The following IQGAP2 variants were observed in gnomAD, a reference collection of about 807,000 sequenced individuals.
The protein encoded by IQGAP2 is IQ motif containing GTPase activating protein 2.
A neutral mutation model predicts 201.3 loss-of-function variants in IQGAP2; 173 were observed. The observed-to-expected ratio is 0.86, with a 90% CI of 0.76 to 0.98. The LOEUF is 0.98. Among genes scored for constraint, IQGAP2 ranks in the 50% least tolerant of loss-of-function variants. The probability of loss-of-function intolerance (pLI) is 0.00; values close to 1 mark genes in which losing one functional copy is unlikely to be tolerated. For synonymous variants in IQGAP2, 675 were observed against 673.9 expected (o/e 1.00, Z -0.03); for missense variants, 1,687 against 1,864.8 (o/e 0.90, Z 1.76).
intron 5 of IQGAP2, among the ~76,000 whole-genome samples, chr5:76,584,936 A>G (rs931240922): frequency 6.6e-6 from 1 of 152,364 alleles, no homozygotes; most frequent in African/African-American, 2.4e-5. Context: ...TTGATGATTC[A>G]TTCAATTTAT....
At chr5:76,691,926 A>G (rs1272145988) in intron 30 of IQGAP2, among the ~76,000 whole-genome samples, 4 of 152,204 alleles carry the variant, frequency 2.6e-5, no homozygotes, top group Non-Finnish European at 5.9e-5. Context: ...TTTTGTTCTC[A>G]TTTCTAAATT....
In IQGAP2 at chr5:76,606,430, G is replaced by A; in HGVS notation, c.1357+127G>A. The A allele has an allele frequency of 1.8e-5, 11 of 605,366 alleles. No individual in the cohort carries two copies. In the South Asian group the frequency reaches 3.7e-4, roughly 20 times the overall value. 37.5% of individuals were successfully genotyped at this position (605,366 alleles called of 1,614,324 possible). A position where few individuals can be genotyped will look rare whatever the true frequency, so the allele number is the denominator to read the frequency against. On this transcript the variant is annotated intron_variant, in intron 12 of 35. Coordinates refer to ENST00000274364, the MANE Select transcript of IQGAP2 (RefSeq NM_006633.5). ...TTGTGAGAGCAAACTCCGCTAATAT[G>A]CATACCTTTATTTATAGGTAGATTT...
chr5:76,536,376 G>A (rs1425542506), intron 2 of IQGAP2, among the ~76,000 whole-genome samples: 4 of 151,866 alleles, frequency 2.6e-5, no homozygotes, highest in Non-Finnish European at 5.9e-5. Context: ...TGGCTTCCAG[G>A]AGCATATTCT....
At chr5:76,511,358 A>G (rs1310731896) in intron 2 of IQGAP2, among the ~76,000 whole-genome samples, 1 of 152,162 alleles carries the variant, frequency 6.6e-6, no homozygotes, top group African/African-American at 2.4e-5. Flanking sequence ...GATCAAGGAC[A>G]AAAGGAGTGG....
intron 1 of IQGAP2, among the ~76,000 whole-genome samples, chr5:76,438,735 G>C (rs938262835): frequency 1.3e-5 from 2 of 152,098 alleles, no homozygotes; most frequent in Non-Finnish European, 2.9e-5. Context: ...GAGCCACCGT[G>C]CCTGGCCTTC....
intron 2 of IQGAP2, among the ~76,000 whole-genome samples, chr5:76,502,941 C>G (rs950417467): frequency 6.6e-6 from 1 of 150,664 alleles, no homozygotes; most frequent in African/African-American, 2.4e-5. Context: ...AGAGGGTTCT[C>G]TTTATGTTGC....
At chr5:76,481,922 GA>G (rs1205609299) in intron 2 of IQGAP2, among the ~76,000 whole-genome samples, 1 of 152,208 alleles carries the variant, frequency 6.6e-6, no homozygotes, top group Non-Finnish European at 1.5e-5. Flanking sequence ...GAAGAAGCAA[GA>G]AAGGTTACAG....
At chr5:76,553,794 A>G (rs546076376) in intron 2 of IQGAP2, among the ~76,000 whole-genome samples, 1 of 152,316 alleles carries the variant, frequency 6.6e-6, no homozygotes, top group East Asian at 1.9e-4. Flanking sequence ...CAAGACATTC[A>G]CATATTGGGG....
chr5:76,658,714 C>A, intron 21 of IQGAP2, 47 bp downstream of exon 21: 3 of 1,453,564 alleles, frequency 2.1e-6, no homozygotes, highest in Non-Finnish European at 2.9e-6. Flanking sequence ...AGGGAAGACG[C>A]CTACATACAG....
chr5:76,589,353 C>T (rs1746480891), intron 6 of IQGAP2, among the ~76,000 whole-genome samples: 1 of 151,044 alleles, frequency 6.6e-6, no homozygotes, highest in Non-Finnish European at 1.5e-5. Context: ...CTTTTTTCCC[C>T]ATTTTGATAT....
intron 22 of IQGAP2, among the ~76,000 whole-genome samples, chr5:76,666,620 C>G (rs2150470165): frequency 6.6e-6 from 1 of 152,362 alleles, no homozygotes; most frequent in Admixed American, 6.5e-5. Flanking sequence ...CAAGTGAACT[C>G]TCTCTTGAAA....
chr5:76,468,139 A>C (rs1278311642), intron 2 of IQGAP2, among the ~76,000 whole-genome samples: 4 of 152,356 alleles, frequency 2.6e-5, no homozygotes, highest in African/African-American at 9.6e-5. Flanking sequence ...CTATTTATTA[A>C]AGATAATTTC....
chr5:76,496,698 CTGTCTCTTTCTTTCTTTCTTTCTTTCT>C (rs1448308329), intron 2 of IQGAP2, among the ~76,000 whole-genome samples: 11 of 79,620 alleles, frequency 1.4e-4, no homozygotes, highest in South Asian at 4.7e-4. Context: ...TTCTTTCTTT[CTGTCTCTTTCTTTCTTTCTTTCTTTCT>C]TTTCTTTCTT....
chr5:76,418,594 GAAA>G (rs1191675917), intron 1 of IQGAP2, among the ~76,000 whole-genome samples: 1 of 26,300 alleles, frequency 3.8e-5, no homozygotes, highest in Non-Finnish European at 9.0e-5. Context: ...ACTCCATCTC[GAAA>G]AAAAAAAAAA....
intron 2 of IQGAP2, among the ~76,000 whole-genome samples, chr5:76,502,675 A>T (rs1317677161): frequency 6.6e-6 from 1 of 152,266 alleles, no homozygotes; most frequent in African/African-American, 2.4e-5. Context: ...AAATAGTTTT[A>T]TGAGGCCCTA....
intron 1 of IQGAP2, among the ~76,000 whole-genome samples, chr5:76,423,365 G>A (rs147174503): frequency 6.6e-6 from 1 of 152,198 alleles, no homozygotes; most frequent in Non-Finnish European, 1.5e-5. Flanking sequence ...GCTCATGCCT[G>A]TAATCCCAGC....
At chr5:76,623,495 C>T (rs1479053215) in intron 13 of IQGAP2, 5 of 466,506 alleles carry the variant, frequency 1.1e-5, no homozygotes, top group East Asian at 1.1e-4. Flanking sequence ...TTAACTCTTA[C>T]CCACCCCCAA....
chr5:76,404,084 TCTC>T (rs1750660766), intron 1 of IQGAP2, among the ~76,000 whole-genome samples: 1 of 151,380 alleles, frequency 6.6e-6, no homozygotes, highest in Admixed American at 6.6e-5. Flanking sequence ...AGGGCGGGAG[TCTC>T]CTCCTGTCCC....
chr5:76,492,886 C>T (rs753815808), intron 2 of IQGAP2, among the ~76,000 whole-genome samples: 5 of 152,110 alleles, frequency 3.3e-5, no homozygotes, highest in South Asian at 4.2e-4. Flanking sequence ...TTAGTTGTCA[C>T]GTTTCTAGTG....
Sources: gnomAD v4.1 joint callset for allele counts (sites outside exome capture counted in the v4.1 genomes callset) on GRCh38, gnomAD v4.1.1 for gene constraint, MANE v1.5 for transcripts, NCBI Gene and HGNC (gene_info 2026-07-23, HGNC 2026-07-21) for gene names.